GABRB1: variants seen among roughly 807,000 people sequenced by gnomAD.
GABRB1 encodes the protein gamma-aminobutyric acid type A receptor subunit beta1, also known as gamma-aminobutyric acid receptor subunit beta-1.
Under a neutral mutation model 51.6 loss-of-function variants are expected in GABRB1, and 17 were observed. That is an observed-to-expected ratio of 0.33 (90% CI 0.23 to 0.49). The LOEUF is 0.49. Among genes scored for constraint, GABRB1 ranks in the 20% least tolerant of loss-of-function variants. The pLI, the probability that GABRB1 is intolerant of heterozygous loss-of-function variation, is 0.99. For synonymous variants in GABRB1, 247 were observed against 218.9 expected (o/e 1.13, Z -1.14); for missense variants, 410 against 600.6 (o/e 0.68, Z 3.32).
intron 1 of GABRB1, among the ~76,000 whole-genome samples, chr4:47,011,762 A>G (rs1260103141): frequency 6.6e-6 from 1 of 152,160 alleles, no homozygotes; most frequent in Non-Finnish European, 1.5e-5. Flanking sequence ...AAGCTTTAAG[A>G]TTTGTACCTA....
At chr4:47,171,970 C>G (rs1461526329) in intron 4 of GABRB1, among the ~76,000 whole-genome samples, 1 of 152,052 alleles carries the variant, frequency 6.6e-6, no homozygotes, top group African/African-American at 2.4e-5. Flanking sequence ...TTTTATGTAT[C>G]AAAGAGTGTT....
chr4:47,291,044 C>T (rs1327074149), intron 4 of GABRB1, among the ~76,000 whole-genome samples: 1 of 152,166 alleles, frequency 6.6e-6, no homozygotes, highest in East Asian at 1.9e-4. Flanking sequence ...CAGGGCATTT[C>T]AGAGGTCTTC....
At chr4:47,017,289 A>G (rs762477609) in intron 1 of GABRB1, among the ~76,000 whole-genome samples, 4 of 152,246 alleles carry the variant, frequency 2.6e-5, no homozygotes, top group Non-Finnish European at 4.4e-5. Context: ...CACAACTGTC[A>G]GGGAAAAGTA....
At chr4:47,339,541 A>ATGTGTGTGTGTG (rs34390361) in intron 5 of GABRB1, among the ~76,000 whole-genome samples, 85 of 148,472 alleles carry the variant, frequency 5.7e-4, no homozygotes, top group East Asian at 2.6e-3. Flanking sequence ...ATGTGTGCAT[A>ATGTGTGTGTGTG]TGTGTGTGTG....
intron 3 of GABRB1, among the ~76,000 whole-genome samples, chr4:47,036,113 G>A (rs1725545516): frequency 2.0e-5 from 3 of 152,150 alleles, no homozygotes. Flanking sequence ...ATGCATGAAT[G>A]AGTATAACAG....
chr4:47,071,805 A>T (rs887993986), intron 3 of GABRB1, among the ~76,000 whole-genome samples: 1 of 152,012 alleles, frequency 6.6e-6, no homozygotes, highest in African/African-American at 2.4e-5. Flanking sequence ...ACTCTTTTCC[A>T]TTGTTTATAA....
chr4:47,117,285 T>A (rs1439603863), intron 3 of GABRB1, among the ~76,000 whole-genome samples: 3 of 152,198 alleles, frequency 2.0e-5, no homozygotes, highest in Non-Finnish European at 2.9e-5. Context: ...TTCGCTCATA[T>A]AAAAATATTT....
At chr4:47,341,074 A>C (rs78114505) in intron 5 of GABRB1, among the ~76,000 whole-genome samples, 10,968 of 152,234 alleles carry the variant, frequency 0.072, 531 homozygotes, top group South Asian at 0.14. Context: ...TGCAGTGAAC[A>C]AAACAGAGAA....
intron 1 of GABRB1, among the ~76,000 whole-genome samples, chr4:47,009,076 G>A (rs189406819): frequency 6.7e-6 from 1 of 148,452 alleles, no homozygotes; most frequent in African/African-American, 2.5e-5. Flanking sequence ...GTGTTAACCA[G>A]GATGGTCTCC....
chr4:47,397,096 C>G (rs1320923565), intron 5 of GABRB1, among the ~76,000 whole-genome samples: 1 of 151,922 alleles, frequency 6.6e-6, no homozygotes, highest in Non-Finnish European at 1.5e-5. Context: ...CTCTTATTTA[C>G]TTTTGATTCT....
chr4:47,366,274 A>T (rs1726979586), intron 5 of GABRB1, among the ~76,000 whole-genome samples: 1 of 152,166 alleles, frequency 6.6e-6, no homozygotes, highest in Admixed American at 6.5e-5. Context: ...GAGTCTCCAT[A>T]AGCTAATCTC....
At chr4:47,417,526 A>G (rs1728969971) in intron 8 of GABRB1, among the ~76,000 whole-genome samples, 1 of 152,010 alleles carries the variant, frequency 6.6e-6, no homozygotes, top group Admixed American at 6.6e-5. Flanking sequence ...CAAATGACTG[A>G]CAGCAACAGC....
intron 4 of GABRB1, among the ~76,000 whole-genome samples, chr4:47,308,196 C>T (rs546542834): frequency 5.5e-4 from 83 of 151,856 alleles, no homozygotes; most frequent in African/African-American, 1.7e-3. Flanking sequence ...ATCCTGATGC[C>T]GATGAGGAAA....
At chr4:47,380,334 A>G (rs939927419) in intron 5 of GABRB1, among the ~76,000 whole-genome samples, 15 of 152,212 alleles carry the variant, frequency 9.9e-5, no homozygotes, top group African/African-American at 3.6e-4. Context: ...AAATATTTAT[A>G]TGAAATTTAT....
At chr4:47,349,557 T>C (rs1465203763) in intron 5 of GABRB1, among the ~76,000 whole-genome samples, 2 of 152,216 alleles carry the variant, frequency 1.3e-5, no homozygotes, top group Non-Finnish European at 2.9e-5. Context: ...TGAAGTATCA[T>C]GCCATCCTGC....
At chr4:47,407,331 T>C (rs570191682) in intron 8 of GABRB1, among the ~76,000 whole-genome samples, 12 of 152,344 alleles carry the variant, frequency 7.9e-5, no homozygotes, top group African/African-American at 2.9e-4. Context: ...AGTCACCTAA[T>C]GGCTTTACAA....
chr4:47,119,645 A>G (rs1456283278), intron 3 of GABRB1, among the ~76,000 whole-genome samples: 1 of 151,774 alleles, frequency 6.6e-6, no homozygotes, highest in Non-Finnish European at 1.5e-5. Flanking sequence ...AGTAGCTGGG[A>G]TTACATGCAT....
At chr4:47,185,732 T>C (rs1719150429) in intron 4 of GABRB1, among the ~76,000 whole-genome samples, 1 of 151,908 alleles carries the variant, frequency 6.6e-6, no homozygotes, top group Admixed American at 6.6e-5. Flanking sequence ...AAGATTTTCA[T>C]ATTATATGTA....
Position 47,359,237 on chromosome 4 carries a change from G to A in GABRB1, c.544+39028G>A, listed in dbSNP as rs1726710137. On this transcript the variant is annotated intron_variant, in intron 5 of 8. Coordinates refer to ENST00000295454, the MANE Select transcript of GABRB1 (RefSeq NM_000812.4). ...TTTCAAATCTCAAGGGGGCCAGACA[G>A]TATTATGAGATCTGAAGTATACCCC... Among the ~76,000 whole-genome samples, 2 of 152,114 alleles carry A rather than the reference G, an allele frequency of 1.3e-5. 1 individual carries two copies. The highest frequency in any genetic ancestry group is 4.1e-4 in the South Asian group (2 of 4,830).
Sources: allele counts gnomAD v4.1 joint callset (sites outside exome capture counted in the v4.1 genomes callset), GRCh38; gene constraint gnomAD v4.1.1; transcripts MANE v1.5; gene names NCBI Gene and HGNC (gene_info 2026-07-23, HGNC 2026-07-21).